The following ATAD2B variants were observed in gnomAD, a reference collection of about 807,000 sequenced individuals.
ATAD2B encodes ATPase family AAA domain-containing protein 2B.
A neutral mutation model predicts 167.6 loss-of-function variants in ATAD2B; 40 were observed. The observed-to-expected ratio is 0.24, with a 90% CI of 0.19 to 0.31. The LOEUF is 0.31. Ranked by LOEUF, ATAD2B falls within the 10% of genes least tolerant of loss-of-function variation. The pLI is 1.00. For missense variants in ATAD2B, 1,242 were observed against 1,757.2 expected, an observed-to-expected ratio of 0.71 and a Z score of 5.24; for synonymous variants, 579 against 596.5, an observed-to-expected ratio of 0.97 and a Z score of 0.43.
At chr2:23,789,414 G>C (rs1403446818) in intron 19 of ATAD2B, among the ~76,000 whole-genome samples, 1 of 152,062 alleles carries the variant, frequency 6.6e-6, no homozygotes, top group Non-Finnish European at 1.5e-5. Context: ...CAAACTCCCT[G>C]AGAACAGAGA....
At chr2:23,848,841 G>A (rs1261999809) in intron 13 of ATAD2B, among the ~76,000 whole-genome samples, 2 of 152,084 alleles carry the variant, frequency 1.3e-5, no homozygotes, top group Non-Finnish European at 2.9e-5. Flanking sequence ...CATTTTGAAG[G>A]AAATGGTATT....
intron 13 of ATAD2B, among the ~76,000 whole-genome samples, chr2:23,849,786 C>T (rs957616287): frequency 1.3e-5 from 2 of 152,082 alleles, no homozygotes; most frequent in East Asian, 1.9e-4. Context: ...CAGACAGAGC[C>T]ACTGCACTCC....
the ATAD2B span, among the ~76,000 whole-genome samples, chr2:23,731,908 T>G: frequency 1.3e-5 from 2 of 151,988 alleles, no homozygotes; most frequent in Non-Finnish European, 2.9e-5. Flanking sequence ...GCCCAGAAGT[T>G]TGAGGTTACA....
chr2:23,917,215 C>T (rs1355593773), intron 1 of ATAD2B, among the ~76,000 whole-genome samples: 1 of 152,192 alleles, frequency 6.6e-6, no homozygotes, highest in Non-Finnish European at 1.5e-5. Flanking sequence ...GCAAGCCTCA[C>T]CATCAAAAAC....
intron 6 of ATAD2B, among the ~76,000 whole-genome samples, chr2:23,882,678 C>T (rs1426879321): frequency 2.6e-5 from 4 of 151,512 alleles, no homozygotes; most frequent in Non-Finnish European, 4.4e-5. Flanking sequence ...GGCATGGTGG[C>T]GGGTGCCTGT....
At chr2:23,818,108 C>T (rs1232586182) in intron 17 of ATAD2B, among the ~76,000 whole-genome samples, 2 of 128,768 alleles carry the variant, frequency 1.6e-5, no homozygotes, top group South Asian at 2.5e-4. Context: ...CACACACACA[C>T]ACACACACAC....
chr2:23,748,168 G>A (rs1198285852), downstream of ATAD2B, among the ~76,000 whole-genome samples: 3 of 152,098 alleles, frequency 2.0e-5, no homozygotes, highest in South Asian at 2.1e-4. Flanking sequence ...TGTACTACAG[G>A]AACATGAAAA....
chr2:23,781,345 T>A (rs866292515), intron 22 of ATAD2B, among the ~76,000 whole-genome samples: 2 of 125,384 alleles, frequency 1.6e-5, no homozygotes, highest in Admixed American at 7.3e-5. Context: ...AATAAATAAA[T>A]AAATAAATAA....
the ATAD2B span, chr2:23,693,444 C>T: frequency 1.7e-5 from 27 of 1,551,632 alleles, no homozygotes; most frequent in Non-Finnish European, 2.1e-5. Flanking sequence ...ACGTCTCCAA[C>T]GACAGCCTCA....
the ATAD2B span, among the ~76,000 whole-genome samples, chr2:23,733,842 A>G: frequency 6.6e-6 from 1 of 152,154 alleles, no homozygotes; most frequent in Non-Finnish European, 1.5e-5. Flanking sequence ...TCTCACCTGG[A>G]ATATAGGAAC....
chr2:23,837,163 G>A (rs538113221), intron 13 of ATAD2B, among the ~76,000 whole-genome samples: 83 of 152,364 alleles, frequency 5.4e-4, no homozygotes, highest in African/African-American at 1.9e-3. Context: ...AGGGGGCTGT[G>A]GCAGCAGGGG....
At chr2:23,883,751 C>G in intron 6 of ATAD2B, 1 of 384,224 alleles carries the variant, frequency 2.6e-6, no homozygotes, top group Admixed American at 4.4e-5. Flanking sequence ...TCTTCTCAAT[C>G]TAAACTACAC....
In ATAD2B at chr2:23,927,007, C is replaced by T. The variant is rs1361191333; in HGVS notation, c.-237G>A. 1.2e-5 allele frequency: 6 copies of T among 496,588 alleles called. No individual in the cohort carries two copies. Among genetic ancestry groups the T allele is most frequent in the African/African-American group, 2.0e-5 (1 of 49,002 alleles). The allele number at this position is 496,588 out of a possible 1,614,324, so 30.8% of individuals were successfully genotyped here. ...CTGCAGACCGGCAGCACAGACACTC[C>T]GCCGGCTTCGCCCTCCTCAGCGGGA... is the stretch of plus-strand genomic sequence containing the variant. On this transcript the variant is annotated 5_prime_UTR_variant, in exon 1 of 28. Transcript: ENST00000238789.
At chr2:23,918,470 A>G (rs199567694) in intron 1 of ATAD2B, among the ~76,000 whole-genome samples, 2 of 152,306 alleles carry the variant, frequency 1.3e-5, no homozygotes, top group East Asian at 3.9e-4. Context: ...CATATATAAT[A>G]TTAAGGAAAA....
the ATAD2B span, among the ~76,000 whole-genome samples, chr2:23,740,025 C>G: frequency 6.6e-6 from 1 of 152,158 alleles, no homozygotes; most frequent in Non-Finnish European, 1.5e-5. Context: ...TCTGAATAGA[C>G]CAATAACAGG....
rs1408409226 is a variant in ATAD2B, at chr2:23,849,019, A to C, written c.1568+8396T>G. ...AATAGCAAAATTGAGACTCTAAAAA[A>C]AAACTTTCAAAGTTTCAAAGTGTTT... On this transcript the variant is annotated intron_variant, in intron 13 of 27. Coordinates refer to ENST00000238789, the MANE Select transcript of ATAD2B (RefSeq NM_017552.4). Among the ~76,000 whole-genome samples, 5 of 152,306 alleles carry C rather than the reference A, an allele frequency of 3.3e-5. No individual in the cohort carries two copies. The East Asian group carries it at 9.6e-4, about 29-fold the overall frequency.
chr2:23,799,234 A>ATTACAT (rs1334197331), intron 18 of ATAD2B, among the ~76,000 whole-genome samples: 4 of 152,118 alleles, frequency 2.6e-5, no homozygotes, highest in Non-Finnish European at 5.9e-5. Context: ...ATTTTCCCTT[A>ATTACAT]TTTTTAACAC....
chr2:23,878,223 T>C (rs1697327163), intron 7 of ATAD2B, among the ~76,000 whole-genome samples: 1 of 151,428 alleles, frequency 6.6e-6, no homozygotes, highest in African/African-American at 2.4e-5. Context: ...TAGCCAGGTG[T>C]GGTAGCGCAT....
intron 1 of ATAD2B, among the ~76,000 whole-genome samples, chr2:23,925,297 A>C (rs190980307): frequency 3.9e-4 from 60 of 152,354 alleles, no homozygotes; most frequent in African/African-American, 1.4e-3. Context: ...AATTTTATCA[A>C]AGAAAAGCCA....
Sources: gnomAD v4.1 joint callset for allele counts (sites outside exome capture counted in the v4.1 genomes callset) on GRCh38, gnomAD v4.1.1 for gene constraint, MANE v1.5 for transcripts, NCBI Gene and HGNC (gene_info 2026-07-23, HGNC 2026-07-21) for gene names.